CATSPER3: variants seen among roughly 807,000 people sequenced by gnomAD.
CATSPER3 encodes cation channel sperm-associated protein 3.
A neutral mutation model predicts 36.6 loss-of-function variants in CATSPER3; 23 were observed. The ratio of observed to expected loss-of-function variants is 0.63; its 90% confidence interval spans 0.45 to 0.89. The LOEUF is 0.89. CATSPER3 is among the 40% of genes least tolerant of loss of function. The pLI is 0.00. For synonymous variants in CATSPER3, 172 were observed against 184.1 expected, an observed-to-expected ratio of 0.93 and a Z score of 0.53; for missense variants, 474 against 503.9, an observed-to-expected ratio of 0.94 and a Z score of 0.57.
chr5:134,994,693 C>G (rs775749797), intron 2 of CATSPER3, among the ~76,000 whole-genome samples: 1 of 152,210 alleles, frequency 6.6e-6, no homozygotes, highest in Admixed American at 6.5e-5. Flanking sequence ...AAAGTCCTCA[C>G]CAGGCCTACA....
chr5:135,009,169 C>T (rs1481876822), intron 5 of CATSPER3, among the ~76,000 whole-genome samples, 188 bp downstream of exon 5: 1 of 152,204 alleles, frequency 6.6e-6, no homozygotes, highest in Non-Finnish European at 1.5e-5. Flanking sequence ...TTTGCCTTGC[C>T]TGCTGATGGT....
At chr5:134,968,906 T>A (rs1751567437) in intron 1 of CATSPER3, 1 of 152,184 alleles carries the variant, frequency 6.6e-6, no homozygotes, top group African/African-American at 2.4e-5. Flanking sequence ...TTTGGCATAT[T>A]TCCTGCTGAT....
intron 2 of CATSPER3, among the ~76,000 whole-genome samples, chr5:134,996,036 C>T (rs771273527): frequency 5.3e-5 from 8 of 152,226 alleles, no homozygotes; most frequent in Non-Finnish European, 8.8e-5. Context: ...GGCAGTCATT[C>T]CCAAGTACCC....
chr5:134,970,191 A>C, intron 2 of CATSPER3, 99 bp downstream of exon 2: 1 of 1,209,960 alleles, frequency 8.3e-7, no homozygotes, highest in Non-Finnish European at 1.2e-6. Flanking sequence ...ACAGAATCTC[A>C]CTCTGTCAGG....
rs1752148728 is a variant in CATSPER3, at chr5:135,009,430, A to C, written c.876A>C (p.Gly292=). 1 of 1,613,044 alleles carries C rather than the reference A, an allele frequency of 6.2e-7. No homozygotes were observed. Among genetic ancestry groups the C allele is most frequent in the Non-Finnish European group, 8.5e-7 (1 of 1,179,318 alleles). ...LMLEQQEMLM[G]EKQVILQRQQ... ...TGGAGCAGCAGGAGATGCTCATGGG[A>C]GAGAAGCAGGTGATTCTGCAGCGGC... Residue 292 remains glycine (G), a synonymous_variant, in exon 6 of 8, where the codon GGA becomes GGC. Coordinates refer to ENST00000282611, the MANE Select transcript of CATSPER3 (RefSeq NM_178019.3).
At chr5:134,996,874 ACG>A (rs1365317002) in intron 3 of CATSPER3, among the ~76,000 whole-genome samples, 1 of 152,166 alleles carries the variant, frequency 6.6e-6, no homozygotes, top group Non-Finnish European at 1.5e-5. Flanking sequence ...CATGCCCAGG[ACG>A]CCTTGGCTTT....
At chr5:135,006,981 G>T (rs192339184) in intron 3 of CATSPER3, among the ~76,000 whole-genome samples, 2 of 152,122 alleles carry the variant, frequency 1.3e-5, no homozygotes, top group Admixed American at 1.3e-4. Flanking sequence ...AAACCGTTCC[G>T]CATGGAGGGC....
At chr5:134,968,886 CTG>C (rs949469774) in intron 1 of CATSPER3, 2 of 152,096 alleles carry the variant, frequency 1.3e-5, no homozygotes, top group Admixed American at 6.6e-5. Flanking sequence ...TAGACAGACA[CTG>C]TTAAAATTTT....
chr5:134,972,420 A>C (rs1196061758), intron 2 of CATSPER3, among the ~76,000 whole-genome samples: 1 of 152,236 alleles, frequency 6.6e-6, no homozygotes, highest in Non-Finnish European at 1.5e-5. Context: ...CAGATGTTTA[A>C]GAAAGTGATA....
chr5:134,971,263 T>TA (rs753754526), intron 2 of CATSPER3, among the ~76,000 whole-genome samples: 88 of 146,202 alleles, frequency 6.0e-4, no homozygotes, highest in African/African-American at 1.5e-3. Context: ...CCATCTCTAT[T>TA]AAAAAAAAAA....
rs150302035 is a variant in CATSPER3 at position 134,984,662 on chromosome 5, C to T, written c.253-11611C>T. On this transcript the variant is annotated intron_variant, in intron 2 of 7. Coordinates refer to ENST00000282611, the MANE Select transcript of CATSPER3 (RefSeq NM_178019.3). ...TTGTGGTGAAAAGGAAATGCTTATACATTGCTGGTAGGAAGCTAAATTAGG... is the reference window on the plus strand; with the variant it reads ...TTGTGGTGAAAAGGAAATGCTTATATATTGCTGGTAGGAAGCTAAATTAGG... Among the ~76,000 whole-genome samples the T allele has an allele frequency of 2.4e-3, 369 of 152,298 alleles. 2 individuals are homozygous for T. The highest frequency in any genetic ancestry group is 8.6e-3 in the African/African-American group (356 of 41,558).
In CATSPER3 at chr5:134,970,149, G is replaced by T. The variant is rs563507125; in HGVS notation, c.252+57G>T. ...TTTTTTAAAACATGCTTTATTTCTG[G>T]AAACATTATAAGATTTTTTTTTTTT... On this transcript the variant is annotated intron_variant, in intron 2 of 7. Coordinates refer to ENST00000282611, the MANE Select transcript of CATSPER3 (RefSeq NM_178019.3). 3.8e-5 allele frequency: 58 copies of T among 1,536,206 alleles called. No homozygotes were observed. In the African/African-American group the frequency reaches 7.2e-4, roughly 19 times the overall value.
At chr5:135,001,600 T>A (rs938941259) in intron 3 of CATSPER3, among the ~76,000 whole-genome samples, 2 of 152,180 alleles carry the variant, frequency 1.3e-5, no homozygotes, top group African/African-American at 4.8e-5. Context: ...GGAGTCTAAG[T>A]CTCTTTGTAG....
intron 3 of CATSPER3, among the ~76,000 whole-genome samples, chr5:135,000,765 TAACC>T (rs1318249714): frequency 2.0e-5 from 3 of 152,222 alleles, no homozygotes; most frequent in African/African-American, 7.2e-5. Flanking sequence ...TTGGTGGTGA[TAACC>T]CCTTTATCAT....
In CATSPER3 at chr5:134,996,384, A is replaced by G. The variant is rs144433851; in HGVS notation, c.364A>G (p.Ile122Val). Reference protein sequence around the residue: ...NGYNLLDVIIIIVMFLPYALR... With the variant: ...NGYNLLDVIIVIVMFLPYALR... ...CTACAACCTGCTGGATGTGATCATTATCATCGTTATGTTTTTACCCTATGC... is the reference window on the plus strand; with the variant it reads ...CTACAACCTGCTGGATGTGATCATTGTCATCGTTATGTTTTTACCCTATGC... Residue 122 changes from isoleucine (I) to valine (V), a missense_variant, in exon 3 of 8, where the codon ATC (isoleucine) becomes GTC (valine). Coordinates refer to ENST00000282611, the MANE Select transcript of CATSPER3 (RefSeq NM_178019.3). The G allele has an allele frequency of 8.7e-5, 141 of 1,614,264 alleles. 1 individual carries two copies. Among genetic ancestry groups the G allele is most frequent in the East Asian group, 8.2e-4 (37 of 44,894 alleles).
intron 2 of CATSPER3, among the ~76,000 whole-genome samples, chr5:134,995,024 T>TTTCC (rs1276462713): frequency 2.6e-5 from 4 of 151,612 alleles, no homozygotes; most frequent in East Asian, 1.9e-4. Context: ...TCTCTCTCTT[T>TTTCC]TTCCTTCCTT....
At chr5:134,975,341 T>C (rs943210043) in intron 2 of CATSPER3, 2 of 151,700 alleles carry the variant, frequency 1.3e-5, no homozygotes, top group African/African-American at 4.9e-5. Context: ...TGCTAGAGCA[T>C]TGAACATGTG....
intron 2 of CATSPER3, among the ~76,000 whole-genome samples, chr5:134,992,950 T>C (rs1423186422): frequency 6.6e-6 from 1 of 152,234 alleles, no homozygotes; most frequent in Non-Finnish European, 1.5e-5. Context: ...ATACTTGTAT[T>C]GTGCATACAT....
At chr5:134,975,666 A>G (rs572329266) in intron 2 of CATSPER3, among the ~76,000 whole-genome samples, 2 of 152,344 alleles carry the variant, frequency 1.3e-5, no homozygotes, top group African/African-American at 2.4e-5. Context: ...AGGGGAACTC[A>G]TACATTGTTG....
Sources: gnomAD v4.1 joint callset for allele counts (sites outside exome capture counted in the v4.1 genomes callset) on GRCh38, gnomAD v4.1.1 for gene constraint, MANE v1.5 for transcripts, NCBI Gene and HGNC (gene_info 2026-07-23, HGNC 2026-07-21) for gene names.